Variants in TIAM1 observed in about 807,000 individuals in gnomAD.
The protein encoded by TIAM1 is TIAM Rac1 associated GEF 1.
Under a neutral mutation model 163.5 loss-of-function variants are expected in TIAM1, and 65 were observed. The observed-to-expected ratio is 0.40, with a 90% confidence interval of 0.33 to 0.49. TIAM1 has a LOEUF of 0.49. TIAM1 is among the 20% of genes least tolerant of loss of function. TIAM1 has a pLI of 0.77. For synonymous variants in TIAM1, 833 were observed against 810.1 expected (o/e 1.03, Z -0.48); for missense variants, 1,789 against 2,044.7 (o/e 0.87, Z 2.41).
chr21:31,449,215 G>A (rs75214443), intron 2 of TIAM1, among the ~76,000 whole-genome samples: 2,381 of 151,930 alleles, frequency 0.016, 61 homozygotes, highest in African/African-American at 0.054. Context: ...TCGTCACACT[G>A]TTGTTTCCCA....
intron 6 of TIAM1, among the ~76,000 whole-genome samples, chr21:31,230,152 C>A (rs995077761): frequency 1.3e-5 from 2 of 152,166 alleles, no homozygotes; most frequent in Non-Finnish European, 2.9e-5. Context: ...CTACCCTCAC[C>A]CCCTAACTCA....
chr21:31,131,702 G>A (rs910436017), intron 23 of TIAM1, among the ~76,000 whole-genome samples: 2 of 152,210 alleles, frequency 1.3e-5, no homozygotes, highest in African/African-American at 4.8e-5. Flanking sequence ...TGTTCTCTGT[G>A]TCAGCGTCTC....
chr21:31,331,950 G>A (rs1478884745), intron 2 of TIAM1, among the ~76,000 whole-genome samples: 3 of 152,148 alleles, frequency 2.0e-5, no homozygotes, highest in East Asian at 3.9e-4. Context: ...AGGTCCCAGC[G>A]AAAACATAAT....
chr21:31,519,427 T>G (rs1019066123), intron 1 of TIAM1, among the ~76,000 whole-genome samples: 3 of 149,626 alleles, frequency 2.0e-5, no homozygotes, highest in Non-Finnish European at 4.4e-5. Context: ...GAGAATTGAT[T>G]GAACCTGGGA....
At position 31,120,619 on chromosome 21, in the gene TIAM1, C is replaced by T. The variant is rs753388164; in HGVS notation, c.4525G>A (p.Asp1509Asn). ...CCCTTCACGGACTCACAGAACTCAT[C>T]ATCGTCACTGAGGATGTCTGTCTCC... ...IKETDILSDD[D>N]EFCESVKGAS... The change falls in exon 28 of 28, where the codon GAT (aspartate) becomes AAT (asparagine). Residue 1509 changes from aspartate (D) to asparagine (N), a missense_variant. Physicochemically the swap from Asp to Asn is conservative, Grantham distance 23 (BLOSUM62 1). Around this residue, in one of 5 missense-constraint regions of TIAM1, gnomAD observed 415 missense variants for 439.2 expected, o/e 0.94. Coordinates refer to ENST00000541036, the MANE Select transcript of TIAM1 (RefSeq NM_001353694.2). This position sits in a 1 kb window ranked among gnomAD's most constrained non-coding sequence, Gnocchi z 4.2. 5.6e-6 allele frequency: 9 copies of T among 1,614,162 alleles called. No homozygotes were observed. In the Admixed American group the frequency reaches 1.2e-4, roughly 21 times the overall value.
intron 3 of TIAM1, among the ~76,000 whole-genome samples, chr21:31,268,051 C>G (rs2072883304): frequency 6.6e-6 from 1 of 152,202 alleles, no homozygotes; most frequent in Non-Finnish European, 1.5e-5. Flanking sequence ...TGAAGTCTCT[C>G]TAGCGCACTT....
intron 1 of TIAM1, among the ~76,000 whole-genome samples, chr21:31,541,586 G>A (rs905725135): frequency 6.6e-6 from 1 of 152,162 alleles, no homozygotes; most frequent in South Asian, 2.1e-4. Flanking sequence ...TGAAATGTAT[G>A]ACCATTATAA....
At chr21:31,285,201 T>C (rs1443352600) in intron 2 of TIAM1, among the ~76,000 whole-genome samples, 1 of 152,024 alleles carries the variant, frequency 6.6e-6, no homozygotes, top group East Asian at 1.9e-4. Context: ...CCCAAGCCAA[T>C]TCCCAACCCA....
chr21:31,267,969 T>TA (rs1452193379), intron 3 of TIAM1, among the ~76,000 whole-genome samples: 1 of 152,186 alleles, frequency 6.6e-6, no homozygotes, highest in Non-Finnish European at 1.5e-5. Context: ...ACAATTCTGT[T>TA]ACCCACAGTG....
chr21:31,490,891 C>G (rs1386622498), intron 1 of TIAM1, among the ~76,000 whole-genome samples: 1 of 152,204 alleles, frequency 6.6e-6, no homozygotes, highest in Admixed American at 6.5e-5. Context: ...CTTTGGGAGG[C>G]CAAGGTGGGC....
chr21:31,284,171 G>A (rs1194400490), intron 2 of TIAM1, among the ~76,000 whole-genome samples: 1 of 152,160 alleles, frequency 6.6e-6, no homozygotes, highest in Non-Finnish European at 1.5e-5. Flanking sequence ...GAAGACAGTG[G>A]GAGAGGACAG....
At chr21:31,382,896 T>C (rs899353974) in intron 2 of TIAM1, among the ~76,000 whole-genome samples, 5 of 152,222 alleles carry the variant, frequency 3.3e-5, no homozygotes, top group Non-Finnish European at 1.5e-5. Flanking sequence ...ATTACCATTA[T>C]GCACTTAGGT....
chr21:31,274,047 T>C (rs2073181702), intron 3 of TIAM1, among the ~76,000 whole-genome samples: 1 of 151,934 alleles, frequency 6.6e-6, no homozygotes, highest in South Asian at 2.1e-4. Context: ...CAAAAACCCA[T>C]CTCTACAAAA....
At chr21:31,359,036 A>G (rs1272142688) in intron 2 of TIAM1, among the ~76,000 whole-genome samples, 1 of 152,136 alleles carries the variant, frequency 6.6e-6, no homozygotes, top group African/African-American at 2.4e-5. Context: ...TTTCTGGAAC[A>G]TTCCAGGTAG....
At chr21:31,194,065 G>A (rs1016126077) in intron 13 of TIAM1, among the ~76,000 whole-genome samples, 2 of 151,980 alleles carry the variant, frequency 1.3e-5, no homozygotes, top group Admixed American at 1.3e-4. Flanking sequence ...AGTGCATTCC[G>A]CCGCTGGCCG....
chr21:31,179,379 C>G (rs1260765851), intron 15 of TIAM1, among the ~76,000 whole-genome samples: 1 of 151,208 alleles, frequency 6.6e-6, no homozygotes, highest in Non-Finnish European at 1.5e-5. Flanking sequence ...AAGACCGCAA[C>G]TTCGTTTCAA....
At position 31,135,824 on chromosome 21, in the gene TIAM1, C is replaced by T. The variant is rs911222060; in HGVS notation, c.3883+109G>A. 8.2e-6 allele frequency: 8 copies of T among 980,878 alleles called. No homozygotes were observed. In the African/African-American group the frequency reaches 1.3e-4, roughly 16 times the overall value. The allele number at this position is 980,878 out of a possible 1,614,324, so 60.8% of individuals were successfully genotyped here. On this transcript the variant is annotated intron_variant, in intron 23 of 27. Transcript: ENST00000541036. ...ACGGCAGGAAGACCGATTCAAGTAA[C>T]TGCAATTAACTTTATTTTTAATCAA...
intron 2 of TIAM1, among the ~76,000 whole-genome samples, chr21:31,317,484 A>G (rs778183171): frequency 7.2e-6 from 1 of 139,752 alleles, no homozygotes; most frequent in Non-Finnish European, 1.6e-5. Context: ...CCAAACAAAC[A>G]TAAAACACTG....
intron 1 of TIAM1, among the ~76,000 whole-genome samples, chr21:31,543,813 C>T (rs142838139): frequency 6.6e-6 from 1 of 152,152 alleles, no homozygotes; most frequent in East Asian, 1.9e-4. Context: ...CCATAGCCAC[C>T]GAAAGTTTAA....
Sources: gnomAD v4.1 joint callset for allele counts (sites outside exome capture counted in the v4.1 genomes callset) on GRCh38, gnomAD v4.1.1 for gene constraint, gnomAD v4.1.1 regional missense constraint, Gnocchi (gnomAD v3.1) non-coding constraint, MANE v1.5 for transcripts, NCBI Gene and HGNC (gene_info 2026-07-23, HGNC 2026-07-21) for gene names.